LRBA: variants seen among roughly 807,000 people sequenced by gnomAD.
LRBA encodes lipopolysaccharide-responsive and beige-like anchor protein.
In LRBA, 176 loss-of-function variants were observed where a neutral mutation model predicts 330.0. That is an observed-to-expected ratio of 0.53 (90% CI 0.47 to 0.60). The LOEUF (loss-of-function observed/expected upper bound fraction) is 0.60, where lower values mean the gene tolerates loss of function less well. Among genes scored for constraint, LRBA ranks in the 20% least tolerant of loss-of-function variants. LRBA has a pLI of 0.00. For synonymous variants in LRBA, 1,230 were observed against 1,193.0 expected (o/e 1.03, Z -0.64); for missense variants, 3,259 against 3,444.8 (o/e 0.95, Z 1.35).
chr4:151,007,452 C>A (rs904271930), intron 2 of LRBA, among the ~76,000 whole-genome samples: 1 of 147,286 alleles, frequency 6.8e-6, no homozygotes. Flanking sequence ...TTTCAGTGAG[C>A]GGAGATCGCG....
chr4:150,376,181 T>G (rs1467659121), intron 47 of LRBA, among the ~76,000 whole-genome samples: 3 of 152,162 alleles, frequency 2.0e-5, no homozygotes, highest in Admixed American at 6.6e-5. Flanking sequence ...CCCCACACTG[T>G]GTCTAACTTT....
intron 42 of LRBA, among the ~76,000 whole-genome samples, chr4:150,484,242 G>A (rs1734339795): frequency 2.0e-5 from 3 of 151,880 alleles, no homozygotes; most frequent in Non-Finnish European, 2.9e-5. Context: ...AAGAGTTTGT[G>A]TAGAAATGGT....
At chr4:150,447,058 G>A (rs1234185180) in intron 44 of LRBA, among the ~76,000 whole-genome samples, 1 of 152,066 alleles carries the variant, frequency 6.6e-6, no homozygotes, top group Non-Finnish European at 1.5e-5. Flanking sequence ...TGCAATAGCT[G>A]GACAGGGTTT....
intron 5 of LRBA, among the ~76,000 whole-genome samples, chr4:150,919,692 CA>C (rs1309640011): frequency 2.6e-5 from 4 of 152,096 alleles, no homozygotes; most frequent in Non-Finnish European, 5.9e-5. Context: ...TCTCTCTCAC[CA>C]AAAACGATAG....
At chr4:150,555,788 A>ACACACACACACACACACACAC (rs1554054001) in intron 40 of LRBA, among the ~76,000 whole-genome samples, 1 of 101,132 alleles carries the variant, frequency 9.9e-6, no homozygotes, top group African/African-American at 4.4e-5. Flanking sequence ...CACACACACA[A>ACACACACACACACACACACAC]ACAAATAGAA....
intron 40 of LRBA, among the ~76,000 whole-genome samples, chr4:150,549,215 T>G (rs572167234): frequency 2.2e-4 from 33 of 152,232 alleles, no homozygotes; most frequent in African/African-American, 7.2e-4. Flanking sequence ...AACTAAAATT[T>G]TAATGTTTCA....
chr4:150,381,170 A>G (rs1026219138), intron 47 of LRBA, among the ~76,000 whole-genome samples: 4 of 152,176 alleles, frequency 2.6e-5, no homozygotes. Context: ...TTTTTGAATT[A>G]AAATGACAAG....
chr4:150,561,430 C>T (rs1190729173), intron 40 of LRBA, among the ~76,000 whole-genome samples: 1 of 152,172 alleles, frequency 6.6e-6, no homozygotes, highest in Non-Finnish European at 1.5e-5. Flanking sequence ...AATAAGGTTG[C>T]TAATCAGCTA....
At chr4:150,811,001 C>A (rs1743642084) in intron 31 of LRBA, among the ~76,000 whole-genome samples, 1 of 152,018 alleles carries the variant, frequency 6.6e-6, no homozygotes, top group African/African-American at 2.4e-5. Context: ...AATTAGAGGG[C>A]AAGACCAGGG....
At chr4:150,929,399 A>T (rs1452081319) in intron 2 of LRBA, among the ~76,000 whole-genome samples, 1 of 152,252 alleles carries the variant, frequency 6.6e-6, no homozygotes, top group Non-Finnish European at 1.5e-5. Flanking sequence ...GAAGTATCAA[A>T]TCTGTGAACT....
rs547908670 is a variant in LRBA, at chr4:150,472,847, A to G, written c.6552-1108T>C. On this transcript the variant is annotated intron_variant, in intron 42 of 56. Transcript: ENST00000651943. ...AGTTCATTCCTTTTTATTGCTGACTAGTATCCCACTGTATATAGAATACAG... is the reference window on the plus strand; with the variant it reads ...AGTTCATTCCTTTTTATTGCTGACTGGTATCCCACTGTATATAGAATACAG... Among the ~76,000 whole-genome samples, 19 of 152,242 alleles carry G rather than the reference A, an allele frequency of 1.2e-4. No homozygotes were observed. The South Asian group carries it at 3.5e-3, about 28-fold the overall frequency.
chr4:150,357,893 T>A lies in LRBA; in HGVS notation c.7195-7734A>T, dbSNP rs931376361. ...ATACTTGTTTTAACAAATCTATATA[T>A]GCTGAGCCATGTATTTGCTGCTAAG... On this transcript the variant is annotated intron_variant, in intron 47 of 56. Coordinates refer to ENST00000651943, the MANE Select transcript of LRBA (RefSeq NM_001364905.1). 1.4e-4 allele frequency among the ~76,000 whole-genome samples: 22 copies of A among 152,184 alleles called. No individual in the cohort carries two copies. The East Asian group carries it at 2.9e-3, about 20-fold the overall frequency.
intron 40 of LRBA, among the ~76,000 whole-genome samples, chr4:150,498,530 C>T (rs1759853880): frequency 6.6e-6 from 1 of 151,830 alleles, no homozygotes; most frequent in Admixed American, 6.6e-5. Context: ...CCAAAATGAA[C>T]CCGCAAAAGG....
chr4:150,839,696 T>C (rs1001496821), intron 28 of LRBA, among the ~76,000 whole-genome samples: 2 of 152,012 alleles, frequency 1.3e-5, no homozygotes, highest in Admixed American at 1.3e-4. Context: ...ATGAGAACAC[T>C]TGGACACAGG....
chr4:150,806,566 A>C (rs548185622), intron 32 of LRBA, among the ~76,000 whole-genome samples, 162 bp from the exon 33 acceptor site: 1 of 152,222 alleles, frequency 6.6e-6, no homozygotes, highest in East Asian at 1.9e-4. Context: ...CTTCTGCCAA[A>C]AATATTCGTT....
rs556082419 is a variant in LRBA at position 150,781,077 on chromosome 4, C to T, written c.5580+17004G>A. ...TGTATTTTTAGTAGAGACAGGGTTT[C>T]GCCATGTTAGCCAGGATGGTCTCGA... is the stretch of plus-strand genomic sequence containing the variant. On this transcript the variant is annotated intron_variant, in intron 34 of 56. Coordinates refer to ENST00000651943, the MANE Select transcript of LRBA (RefSeq NM_001364905.1). Among the ~76,000 whole-genome samples, 48 of 152,170 alleles carry T rather than the reference C, an allele frequency of 3.2e-4. 1 individual carries two copies. The South Asian group carries it at 7.1e-3, about 22-fold the overall frequency.
intron 37 of LRBA, among the ~76,000 whole-genome samples, chr4:150,660,454 C>T (rs1780902550): frequency 6.6e-6 from 1 of 151,230 alleles, no homozygotes; most frequent in African/African-American, 2.4e-5. Flanking sequence ...TCTGCCCGGC[C>T]AGCCGCCCCG....
Position 150,848,905 on chromosome 4 carries a change from T to C in LRBA, c.4252A>G (p.Ile1418Val). 1 of 1,613,342 alleles carries C rather than the reference T, an allele frequency of 6.2e-7. No individual in the cohort carries two copies. The highest frequency in any genetic ancestry group is 1.1e-5 in the South Asian group (1 of 90,988). Residue 1418 changes from isoleucine to valine, a missense_variant, in exon 26 of 57, where the codon ATA becomes GTA. Transcript: ENST00000651943. ...QRLISLVDVLIFASSLGFTEI... is the reference protein window; with the variant it reads ...QRLISLVDVLVFASSLGFTEI... ...GTAAAGCCAAGAGAACTTGCAAATA[T>C]AAGCACATCCACAAGGCTAATTAGC...
intron 36 of LRBA, among the ~76,000 whole-genome samples, chr4:150,702,424 A>T (rs1159555166): frequency 1.3e-5 from 2 of 152,232 alleles, no homozygotes; most frequent in East Asian, 3.8e-4. Context: ...TCAATCATCG[A>T]CAAAAGTGAA....
Sources: allele counts gnomAD v4.1 joint callset (sites outside exome capture counted in the v4.1 genomes callset), GRCh38; gene constraint gnomAD v4.1.1; transcripts MANE v1.5; gene names NCBI Gene and HGNC (gene_info 2026-07-23, HGNC 2026-07-21).